The following OSMR variants were observed in gnomAD, a reference collection of about 807,000 sequenced individuals.
OSMR encodes oncostatin-M-specific receptor subunit beta.
OSMR carries 81 observed loss-of-function variants against 99.9 expected under a neutral mutation model. The observed-to-expected ratio is 0.81, with a 90% CI of 0.68 to 0.97. OSMR has a LOEUF of 0.97. Ranked by LOEUF, OSMR falls within the 50% of genes least tolerant of loss-of-function variation. OSMR has a pLI of 0.00. For missense variants in OSMR, 1,099 were observed against 1,153.4 expected (o/e 0.95, Z 0.68); for synonymous variants, 406 against 410.4 (o/e 0.99, Z 0.13).
At chr5:38,886,214 C>T (rs1221713962) in intron 7 of OSMR, 24 bp downstream of exon 7, 3 of 1,614,016 alleles carry the variant, frequency 1.9e-6, no homozygotes, top group Non-Finnish European at 2.5e-6. Flanking sequence ...TGTCACAGCC[C>T]ACCGTGGCCA....
chr5:38,899,591 C>A (rs1212754988), intron 7 of OSMR, among the ~76,000 whole-genome samples: 1 of 152,130 alleles, frequency 6.6e-6, no homozygotes, highest in Admixed American at 6.5e-5. Context: ...CCTGGTTATT[C>A]AGGGCCCAAG....
chr5:38,940,558 ATTAT>A (rs1233832711), downstream of OSMR: 3 of 232,500 alleles, frequency 1.3e-5, no homozygotes, highest in Non-Finnish European at 1.7e-5. Context: ...GTATAAAAAA[ATTAT>A]TTATCTTCAA....
chr5:38,849,913 G>A (rs933628065), intron 1 of OSMR, among the ~76,000 whole-genome samples: 1 of 152,030 alleles, frequency 6.6e-6, no homozygotes, highest in Non-Finnish European at 1.5e-5. Flanking sequence ...ATGCATGTAC[G>A]TCACTTAGCA....
At chr5:38,872,500 A>G (rs1474153522) in intron 2 of OSMR, among the ~76,000 whole-genome samples, 2 of 152,214 alleles carry the variant, frequency 1.3e-5, no homozygotes, top group Admixed American at 6.5e-5. Flanking sequence ...AGCATGTTGC[A>G]ATCAGTGCTC....
chr5:38,846,601 C>G (rs987993339), intron 1 of OSMR, among the ~76,000 whole-genome samples: 1 of 152,194 alleles, frequency 6.6e-6, no homozygotes, highest in Non-Finnish European at 1.5e-5. Flanking sequence ...CCTCTCGTAA[C>G]CCTTGACTCC....
chr5:38,863,270 G>A (rs2112174508), intron 1 of OSMR, among the ~76,000 whole-genome samples: 2 of 150,474 alleles, frequency 1.3e-5, no homozygotes, highest in Middle Eastern at 7.1e-3. Context: ...GCCAGGTGTG[G>A]TGGCTCATGC....
intron 1 of OSMR, among the ~76,000 whole-genome samples, chr5:38,943,502 A>C (rs1384129160): frequency 1.3e-5 from 2 of 151,912 alleles, no homozygotes; most frequent in Non-Finnish European, 2.9e-5. Flanking sequence ...CCCAATACCT[A>C]TATCACCCTT....
intron 11 of OSMR, among the ~76,000 whole-genome samples, chr5:38,921,096 A>T (rs10075572): frequency 0.16 from 24,390 of 152,102 alleles, 2,097 homozygotes; most frequent in Middle Eastern, 0.26. Context: ...TTCAACAGGT[A>T]TTTTTTGAAG....
At chr5:38,940,631 G>T, downstream of OSMR, 1 of 232,840 alleles carries the variant, frequency 4.3e-6, no homozygotes, top group Non-Finnish European at 8.5e-6. Context: ...GCAGCTTACA[G>T]CCCTTATCTG....
At chr5:38,849,687 G>A (rs2112005806) in intron 1 of OSMR, among the ~76,000 whole-genome samples, 1 of 152,184 alleles carries the variant, frequency 6.6e-6, no homozygotes, top group East Asian at 1.9e-4. Flanking sequence ...ATGCTTTAAT[G>A]TCCACTTTGG....
chr5:38,875,577 A>G (rs964198372), intron 2 of OSMR, among the ~76,000 whole-genome samples: 1 of 152,156 alleles, frequency 6.6e-6, no homozygotes, highest in African/African-American at 2.4e-5. Context: ...CACTCTCTTG[A>G]TTATTTCATA....
chr5:38,942,738 G>T, intron 1 of OSMR: 1 of 998,514 alleles, frequency 1.0e-6, no homozygotes, highest in Non-Finnish European at 1.5e-6. Flanking sequence ...TTGTAGGCAT[G>T]AGTCACCACA....
At chr5:38,941,869 T>G (rs1747606697) in intron 1 of OSMR, 1 of 233,616 alleles carries the variant, frequency 4.3e-6, no homozygotes, top group African/African-American at 2.2e-5. Flanking sequence ...AGACACTGAT[T>G]CCTGCTTTCC....
At chr5:38,889,012 C>T (rs1743979204) in intron 7 of OSMR, among the ~76,000 whole-genome samples, 1 of 151,908 alleles carries the variant, frequency 6.6e-6, no homozygotes, top group Admixed American at 6.6e-5. Context: ...TTCTGACATA[C>T]AGCAAGGCTG....
At chr5:38,943,042 T>C in intron 1 of OSMR, 5 of 1,159,152 alleles carry the variant, frequency 4.3e-6, no homozygotes, top group East Asian at 2.4e-5. Flanking sequence ...AAGGTATCAC[T>C]TACTTTAAAA....
Position 38,922,675 on chromosome 5 carries a change from A to G in OSMR, c.1766-475A>G, listed in dbSNP as rs147690700. Among the ~76,000 whole-genome samples, 12 of 152,240 alleles carry G rather than the reference A, an allele frequency of 7.9e-5. No individual in the cohort carries two copies. In the East Asian group the frequency reaches 2.3e-3, roughly 29 times the overall value. On this transcript the variant is annotated intron_variant, in intron 12 of 17. Transcript: ENST00000274276. ...GTGGGGCCAGGTGTTTGCAACATGGAGGACTCCAAGGCTTCATGGAAGGAG... is the reference window on the plus strand; with the variant it reads ...GTGGGGCCAGGTGTTTGCAACATGGGGGACTCCAAGGCTTCATGGAAGGAG...
At chr5:38,911,914 A>G (rs1745612579) in intron 9 of OSMR, among the ~76,000 whole-genome samples, 1 of 152,216 alleles carries the variant, frequency 6.6e-6, no homozygotes, top group South Asian at 2.1e-4. Context: ...AGCATACCTC[A>G]AAATAAGAGC....
At chr5:38,936,795 T>TACA (rs1422300297), downstream of OSMR, among the ~76,000 whole-genome samples, 10 of 152,234 alleles carry the variant, frequency 6.6e-5, no homozygotes, top group African/African-American at 1.2e-4. Context: ...TTAAAATGTT[T>TACA]ACAACACAAT....
chr5:38,857,637 C>G (rs1204569418), intron 1 of OSMR, among the ~76,000 whole-genome samples: 1 of 151,966 alleles, frequency 6.6e-6, no homozygotes, highest in Non-Finnish European at 1.5e-5. Context: ...TTTCTGATAA[C>G]ATTTAAAACT....
Sources: gnomAD v4.1 joint callset for allele counts (sites outside exome capture counted in the v4.1 genomes callset) on GRCh38, gnomAD v4.1.1 for gene constraint, MANE v1.5 for transcripts, NCBI Gene and HGNC (gene_info 2026-07-23, HGNC 2026-07-21) for gene names.